MTHFD1L: variants seen among roughly 807,000 people sequenced by gnomAD.
MTHFD1L encodes the protein monofunctional C1-tetrahydrofolate synthase, mitochondrial.
Under a neutral mutation model 119.5 loss-of-function variants are expected in MTHFD1L, and 81 were observed. That is an observed-to-expected ratio of 0.68 (90% CI 0.57 to 0.82). The LOEUF (loss-of-function observed/expected upper bound fraction) is 0.82. Among genes scored for constraint, MTHFD1L ranks in the 40% least tolerant of loss-of-function variants. The probability of loss-of-function intolerance (pLI) is 0.00; values close to 1 mark genes in which losing one functional copy is unlikely to be tolerated. For missense variants in MTHFD1L, 1,125 were observed against 1,253.4 expected, an observed-to-expected ratio of 0.90 and a Z score of 1.55; for synonymous variants, 430 against 475.2, an observed-to-expected ratio of 0.90 and a Z score of 1.24.
At chr6:150,998,128 A>G (rs1329673377) in intron 20 of MTHFD1L, among the ~76,000 whole-genome samples, 5 of 141,204 alleles carry the variant, frequency 3.5e-5, no homozygotes, top group Non-Finnish European at 7.8e-5. Context: ...TATATGATGT[A>G]GTCTAATAAT....
chr6:151,070,636 A>G (rs964205310), intron 26 of MTHFD1L, among the ~76,000 whole-genome samples: 3 of 152,244 alleles, frequency 2.0e-5, no homozygotes, highest in African/African-American at 7.2e-5. Context: ...CTCTGCCGTT[A>G]TAGCACAAAA....
At chr6:150,924,909 G>A (rs1253266847) in intron 10 of MTHFD1L, among the ~76,000 whole-genome samples, 1 of 152,002 alleles carries the variant, frequency 6.6e-6, no homozygotes, top group Non-Finnish European at 1.5e-5. Context: ...GATAGGTGGA[G>A]GCCTGGAAAG....
chr6:150,999,029 T>C (rs1037882468), intron 20 of MTHFD1L, among the ~76,000 whole-genome samples: 4 of 146,540 alleles, frequency 2.7e-5, no homozygotes, highest in Non-Finnish European at 6.0e-5. Context: ...GTTTAGGCTA[T>C]GTCTATAAGG....
chr6:151,043,793 A>G (rs905127008), intron 26 of MTHFD1L, among the ~76,000 whole-genome samples: 6 of 152,196 alleles, frequency 3.9e-5, no homozygotes, highest in Non-Finnish European at 5.9e-5. Context: ...GGGGTTAGAC[A>G]GCCTGGCCGG....
intron 13 of MTHFD1L, among the ~76,000 whole-genome samples, chr6:150,943,274 C>CA (rs914836706): frequency 3.2e-4 from 48 of 148,356 alleles, no homozygotes; most frequent in African/African-American, 9.7e-4. Flanking sequence ...AACTCCGTCT[C>CA]AAAAAAAAAT....
At chr6:151,029,573 G>T (rs989726214) in intron 24 of MTHFD1L, among the ~76,000 whole-genome samples, 1 of 152,056 alleles carries the variant, frequency 6.6e-6, no homozygotes, top group Non-Finnish European at 1.5e-5. Flanking sequence ...GAGGCAAGCG[G>T]ATCACCTGAG....
At chr6:151,034,102 G>T (rs971000470) in intron 24 of MTHFD1L, among the ~76,000 whole-genome samples, 1 of 152,012 alleles carries the variant, frequency 6.6e-6, no homozygotes, top group African/African-American at 2.4e-5. Flanking sequence ...GATCACTTGA[G>T]CCTGGGAGGT....
chr6:151,097,104 C>G (rs1794949455), intron 27 of MTHFD1L, among the ~76,000 whole-genome samples: 1 of 152,114 alleles, frequency 6.6e-6, no homozygotes, highest in African/African-American at 2.4e-5. Flanking sequence ...CACTTGGAAA[C>G]TTTATCATAT....
At chr6:151,023,883 A>C (rs1436306587) in intron 24 of MTHFD1L, among the ~76,000 whole-genome samples, 2 of 152,314 alleles carry the variant, frequency 1.3e-5, no homozygotes, top group East Asian at 3.9e-4. Context: ...TCTGACTTAA[A>C]TTTAGATCAC....
At chr6:150,876,815 C>T (rs1780524843) in intron 2 of MTHFD1L, among the ~76,000 whole-genome samples, 1 of 152,118 alleles carries the variant, frequency 6.6e-6, no homozygotes, top group African/African-American at 2.4e-5. Flanking sequence ...CTTGGCATGC[C>T]CTTAGCGTAT....
At chr6:151,043,406 A>G (rs144227588) in intron 26 of MTHFD1L, among the ~76,000 whole-genome samples, 6,773 of 151,772 alleles carry the variant, frequency 0.045, 578 homozygotes, top group African/African-American at 0.16. Flanking sequence ...CTGGGACTAC[A>G]GGTATATGCC....
chr6:151,036,834 C>T, intron 25 of MTHFD1L, 131 bp from the exon 26 acceptor site: 1 of 866,044 alleles, frequency 1.2e-6, no homozygotes, highest in Non-Finnish European at 1.9e-6. Context: ...CAAGTAGTAA[C>T]AAGCAGCTCC....
chr6:150,869,375 G>C (rs529971085), intron 1 of MTHFD1L, among the ~76,000 whole-genome samples: 1 of 151,952 alleles, frequency 6.6e-6, no homozygotes, highest in Non-Finnish European at 1.5e-5. Context: ...CCCCTCCCTG[G>C]GTCCACGTGT....
rs1270253373 is a variant in MTHFD1L at position 151,062,842 on chromosome 6, T to C, written c.2847+25725T>C. Among the ~76,000 whole-genome samples, 8 of 151,260 alleles carry C rather than the reference T, an allele frequency of 5.3e-5. No homozygotes were observed. In the South Asian group the frequency reaches 1.7e-3, roughly 32 times the overall value. ...TACAAGACAGCCATATATATATATA[T>C]ATACAGCTGTTGCTCTTTAAGATAT... On this transcript the variant is annotated intron_variant, in intron 26 of 27. Coordinates refer to ENST00000367321, the MANE Select transcript of MTHFD1L (RefSeq NM_015440.5).
Position 151,037,012 on chromosome 6 carries a change from A to G in MTHFD1L, c.2742A>G (p.Leu914=), listed in dbSNP as rs202243690. The change falls in exon 26 of 28, where the codon CTA becomes CTG. Residue 914 remains leucine, a synonymous_variant. Coordinates refer to ENST00000367321, the MANE Select transcript of MTHFD1L (RefSeq NM_015440.5). ...PICMAKTHLS[L]SHQPDKKGVP... ...GCATGGCAAAGACCCACCTTTCTCT[A>G]TCTCACCAACCTGACAAAAAAGGTG... 8 of 1,611,934 alleles carry G rather than the reference A, an allele frequency of 5.0e-6. No homozygotes were observed. The highest frequency in any genetic ancestry group is 1.1e-5 in the South Asian group (1 of 90,986).
chr6:150,972,647 C>G (rs148170473), intron 20 of MTHFD1L, among the ~76,000 whole-genome samples: 19 of 152,316 alleles, frequency 1.2e-4, no homozygotes, highest in African/African-American at 4.6e-4. Context: ...AGCCTTAGCC[C>G]CTGCTCCTGT....
intron 26 of MTHFD1L, among the ~76,000 whole-genome samples, chr6:151,063,548 A>G (rs1380150958): frequency 6.6e-6 from 1 of 152,186 alleles, no homozygotes; most frequent in Non-Finnish European, 1.5e-5. Context: ...TTTCTTTTCA[A>G]CTTTACCAAC....
intron 20 of MTHFD1L, among the ~76,000 whole-genome samples, chr6:150,994,077 A>AAAGAAAGAAAGAAAGAAAGAAAGAAAG (rs1562508689): frequency 1.9e-5 from 2 of 105,290 alleles, no homozygotes; most frequent in East Asian, 4.5e-4. Context: ...AAAAAAAAAA[A>AAAGAAAGAAAGAAAGAAAGAAAGAAAG]AAAGAAAGAA....
At position 151,015,692 on chromosome 6, in the gene MTHFD1L, A is replaced by T; in HGVS notation, c.2585A>T (p.Gln862Leu). Reference protein sequence around the residue: ...RSRFQFLYDVQVPIVDKIRTI... With the variant: ...RSRFQFLYDVLVPIVDKIRTI... ...CGATTCCAGTTCCTGTATGATGTTC[A>T]GGTAAGATCTAGTAAAAACAATGGC... Residue 862 changes from glutamine (Q) to leucine (L), a missense_variant and splice_region_variant, in exon 24 of 28, where the codon CAG becomes CTG. Coordinates refer to ENST00000367321, the MANE Select transcript of MTHFD1L (RefSeq NM_015440.5). The T allele has an allele frequency of 6.2e-7, 1 of 1,613,128 alleles. No individual in the cohort carries two copies. Among genetic ancestry groups the T allele is most frequent in the Non-Finnish European group, 8.5e-7 (1 of 1,179,656 alleles).
Sources: allele counts gnomAD v4.1 joint callset (sites outside exome capture counted in the v4.1 genomes callset), GRCh38; gene constraint gnomAD v4.1.1; transcripts MANE v1.5; gene names NCBI Gene and HGNC (gene_info 2026-07-23, HGNC 2026-07-21).